The following CAMTA1 variants were observed in gnomAD, a reference collection of about 807,000 sequenced individuals.
CAMTA1 encodes the protein calmodulin binding transcription activator 1, also known as calmodulin-binding transcription activator 1.
In CAMTA1, 27 loss-of-function variants were observed where a neutral mutation model predicts 170.9. The ratio of observed to expected loss-of-function variants is 0.16; its 90% confidence interval spans 0.12 to 0.22. The LOEUF is 0.22. Among genes scored for constraint, CAMTA1 ranks in the 10% least tolerant of loss-of-function variants. The probability of loss-of-function intolerance (pLI) is 1.00; values close to 1 mark genes in which losing one functional copy is unlikely to be tolerated. For synonymous variants in CAMTA1, 833 were observed against 891.5 expected, an observed-to-expected ratio of 0.93 and a Z score of 1.17; for missense variants, 1,619 against 2,217.2, an observed-to-expected ratio of 0.73 and a Z score of 5.42.
chr1:7,655,243 C>A (rs940389063), intron 7 of CAMTA1, among the ~76,000 whole-genome samples: 1 of 149,902 alleles, frequency 6.7e-6, no homozygotes, highest in East Asian at 2.0e-4. Context: ...CACCTATACA[C>A]ACACACCTAT....
intron 3 of CAMTA1, among the ~76,000 whole-genome samples, chr1:7,062,637 C>T (rs540843134): frequency 7.5e-6 from 1 of 133,570 alleles, no homozygotes; most frequent in African/African-American, 3.1e-5. Context: ...CTGCAGAAGA[C>T]GGAGGGTTGC....
chr1:7,212,562 A>G (rs1658971556), intron 4 of CAMTA1, among the ~76,000 whole-genome samples: 2 of 152,204 alleles, frequency 1.3e-5, no homozygotes, highest in African/African-American at 4.8e-5. Context: ...ACAACTGTTG[A>G]TTCACATGCA....
chr1:7,399,247 C>A (rs189267022), intron 5 of CAMTA1, among the ~76,000 whole-genome samples: 1 of 152,266 alleles, frequency 6.6e-6, no homozygotes, highest in Non-Finnish European at 1.5e-5. Context: ...TTAAAATAGC[C>A]TGGCACCTTT....
At chr1:7,543,133 C>G (rs1575915564) in intron 6 of CAMTA1, among the ~76,000 whole-genome samples, 1 of 152,282 alleles carries the variant, frequency 6.6e-6, no homozygotes, top group East Asian at 1.9e-4. Flanking sequence ...TCCCAAAGTG[C>G]TGGGATTACA....
chr1:7,262,521 T>C (rs1811132), intron 5 of CAMTA1, among the ~76,000 whole-genome samples: 49,881 of 152,076 alleles, frequency 0.33, 8,599 homozygotes, highest in South Asian at 0.54. Flanking sequence ...GAGATCACGC[T>C]GTTGCACTGA....
intron 5 of CAMTA1, among the ~76,000 whole-genome samples, chr1:7,261,378 C>A (rs1208983203): frequency 6.6e-6 from 1 of 152,170 alleles, no homozygotes; most frequent in Non-Finnish European, 1.5e-5. Context: ...CTGGTAGAGA[C>A]CAGGATGGTG....
intron 11 of CAMTA1, among the ~76,000 whole-genome samples, chr1:7,712,979 G>A (rs1421481445): frequency 4.6e-5 from 7 of 152,158 alleles, no homozygotes; most frequent in African/African-American, 7.2e-5. Context: ...AGTTACCTCC[G>A]ACTGGGTCCT....
intron 7 of CAMTA1, 42 bp downstream of exon 7, chr1:7,640,595 C>T: frequency 1.2e-6 from 2 of 1,612,818 alleles, no homozygotes; most frequent in South Asian, 1.1e-5. Context: ...CGCTGGGAAC[C>T]AGGCTGGCAT....
intron 3 of CAMTA1, among the ~76,000 whole-genome samples, chr1:7,018,619 C>G (rs116747552): frequency 0.011 from 1,658 of 152,242 alleles, 10 homozygotes; most frequent in Non-Finnish European, 0.018. Context: ...GAGAGAAGGG[C>G]TGCTTTTAGA....
rs116261582 is a variant in CAMTA1 at position 7,098,488 on chromosome 1, C to T, written c.302+7117C>T. Among the ~76,000 whole-genome samples, 550 of 152,282 alleles carry T rather than the reference C, an allele frequency of 3.6e-3. 7 individuals are homozygous for T. The highest frequency in any genetic ancestry group is 0.013 in the African/African-American group (524 of 41,556). Reference sequence around the variant, plus strand: ...GGAGCCTCCTGCCCGAGGACTTCCTCGCAGGGTACCTGTCACGTAGTTTTC... The same window carrying T: ...GGAGCCTCCTGCCCGAGGACTTCCTTGCAGGGTACCTGTCACGTAGTTTTC... On this transcript the variant is annotated intron_variant, in intron 4 of 22. Transcript: ENST00000303635.
intron 6 of CAMTA1, among the ~76,000 whole-genome samples, chr1:7,503,306 G>A (rs2094040848): frequency 6.6e-6 from 1 of 152,194 alleles, no homozygotes; most frequent in Admixed American, 6.5e-5. Flanking sequence ...TACAGATGGA[G>A]AAGTGGGATT....
At chr1:7,658,088 A>G (rs2095920460) in intron 7 of CAMTA1, among the ~76,000 whole-genome samples, 1 of 152,128 alleles carries the variant, frequency 6.6e-6, no homozygotes, top group African/African-American at 2.4e-5. Context: ...CAAGACCCTC[A>G]AGTGGGGTGT....
intron 5 of CAMTA1, among the ~76,000 whole-genome samples, chr1:7,348,501 A>C (rs1239832705): frequency 1.3e-5 from 2 of 152,142 alleles, no homozygotes; most frequent in African/African-American, 4.8e-5. Context: ...AACCACCTCC[A>C]CCTGGCCCTT....
In CAMTA1 at chr1:6,971,189, G is replaced by A. The variant is rs1692471272; in HGVS notation, c.235-120115G>A. Among the ~76,000 whole-genome samples, 1 of 152,196 alleles carries A rather than the reference G, an allele frequency of 6.6e-6. No homozygotes were observed. Among genetic ancestry groups the A allele is most frequent in the Non-Finnish European group, 1.5e-5 (1 of 68,034 alleles). On this transcript the variant is annotated intron_variant, in intron 3 of 22. Coordinates refer to ENST00000303635, the MANE Select transcript of CAMTA1 (RefSeq NM_015215.4). This position sits in a 1 kb window ranked among gnomAD's most constrained non-coding sequence, Gnocchi z 4.6. ...GTGAGCATGAGACGTTCCTGCTGGA[G>A]AAGAGCACACGATGGGCCTCGCTCC...
chr1:7,213,412 G>A (rs1250164308), intron 4 of CAMTA1, among the ~76,000 whole-genome samples: 1 of 151,906 alleles, frequency 6.6e-6, no homozygotes, highest in Non-Finnish European at 1.5e-5. Context: ...TATTCTCTTT[G>A]GTGAATTACC....
At chr1:7,349,159 C>T (rs1041768414) in intron 5 of CAMTA1, among the ~76,000 whole-genome samples, 14 of 152,192 alleles carry the variant, frequency 9.2e-5, no homozygotes, top group African/African-American at 3.1e-4. Flanking sequence ...CGCATGTTAA[C>T]GACAGCACAG....
At chr1:7,514,744 T>C (rs920454816) in intron 6 of CAMTA1, among the ~76,000 whole-genome samples, 1 of 152,144 alleles carries the variant, frequency 6.6e-6, no homozygotes, top group African/African-American at 2.4e-5. Context: ...CTCTTCCCAC[T>C]GGGCAGCCTG....
intron 4 of CAMTA1, among the ~76,000 whole-genome samples, chr1:7,199,221 G>A (rs572497973): frequency 1.3e-5 from 2 of 152,302 alleles, no homozygotes; most frequent in South Asian, 2.1e-4. Flanking sequence ...CCGCCCCCAC[G>A]CCTCCACCCG....
chr1:7,201,442 A>G (rs995620131), intron 4 of CAMTA1, among the ~76,000 whole-genome samples: 7 of 152,094 alleles, frequency 4.6e-5, no homozygotes, highest in African/African-American at 1.7e-4. Flanking sequence ...GTGTTTCATT[A>G]CTTGAGGAAC....
Sources: allele counts gnomAD v4.1 joint callset (sites outside exome capture counted in the v4.1 genomes callset), GRCh38; gene constraint gnomAD v4.1.1; non-coding constraint Gnocchi (gnomAD v3.1); transcripts MANE v1.5; gene names NCBI Gene and HGNC (gene_info 2026-07-23, HGNC 2026-07-21).